Variants in EHMT1 observed in about 807,000 individuals in gnomAD.
The protein encoded by EHMT1 is euchromatic histone lysine methyltransferase 1.
A neutral mutation model predicts 147.2 loss-of-function variants in EHMT1; 15 were observed. The observed-to-expected ratio is 0.10, with a 90% CI of 0.07 to 0.16. EHMT1 has a LOEUF of 0.16. Ranked by LOEUF, EHMT1 falls within the 10% of genes least tolerant of loss-of-function variation. The probability of loss-of-function intolerance (pLI) is 1.00; values close to 1 mark genes in which losing one functional copy is unlikely to be tolerated. For missense variants in EHMT1, 1,587 were observed against 1,772.4 expected, an observed-to-expected ratio of 0.90 and a Z score of 1.88; for synonymous variants, 795 against 709.6, an observed-to-expected ratio of 1.12 and a Z score of -1.91.
chr9:137,688,685 C>T (rs767532777), intron 1 of EHMT1, among the ~76,000 whole-genome samples: 3 of 152,288 alleles, frequency 2.0e-5, no homozygotes, highest in South Asian at 4.1e-4. Context: ...ATTGTCCAAC[C>T]GCTATCCACT....
chr9:137,717,626 A>AAGAG (rs1554847272), intron 3 of EHMT1, among the ~76,000 whole-genome samples: 13,365 of 139,480 alleles, frequency 0.096, 1,419 homozygotes, highest in African/African-American at 0.24. Flanking sequence ...AAAAAAAAAA[A>AAGAG]GAGATGCTGC....
At chr9:137,826,582 A>C (rs1015546644) in intron 25 of EHMT1, among the ~76,000 whole-genome samples, 1 of 152,198 alleles carries the variant, frequency 6.6e-6, no homozygotes, top group Non-Finnish European at 1.5e-5. Flanking sequence ...CAAGGCACCT[A>C]CTGGTTTGGT....
intron 6 of EHMT1, among the ~76,000 whole-genome samples, chr9:137,748,992 A>G (rs1218520813): frequency 2.6e-5 from 4 of 152,130 alleles, no homozygotes; most frequent in African/African-American, 9.7e-5. Context: ...GGTGCTGGTG[A>G]AGGGAGAGCT....
chr9:137,738,373 G>T (rs1484811244), intron 4 of EHMT1, among the ~76,000 whole-genome samples: 1 of 152,136 alleles, frequency 6.6e-6, no homozygotes, highest in Admixed American at 6.5e-5. Context: ...CCGTACACCT[G>T]TTGAGGACAG....
chr9:137,625,367 G>T (rs576738203), intron 1 of EHMT1, among the ~76,000 whole-genome samples: 4 of 151,778 alleles, frequency 2.6e-5, no homozygotes, highest in East Asian at 1.9e-4. Flanking sequence ...GAGGTTTTTT[G>T]TTGTTGTTGT....
chr9:137,758,665 A>T (rs1157896837), intron 9 of EHMT1, among the ~76,000 whole-genome samples: 2 of 152,224 alleles, frequency 1.3e-5, no homozygotes, highest in African/African-American at 4.8e-5. Context: ...TCTTATTTAC[A>T]TTCCCCACAG....
At chr9:137,701,377 A>T (rs1277914697) in intron 1 of EHMT1, among the ~76,000 whole-genome samples, 1 of 149,726 alleles carries the variant, frequency 6.7e-6, no homozygotes, top group Non-Finnish European at 1.5e-5. Context: ...TCTGTCCCCC[A>T]GGCTCTAGTG....
rs546468286 is a variant in EHMT1 at position 137,716,641 on chromosome 9, C to G, written c.101C>G (p.Ala34Gly). Reference sequence around the variant, plus strand: ...TTGTTGGCAGAGACACCTATGGCTGCCGATGAAGGCTCAGCAGAGAAACAG... The same window carrying G: ...TTGTTGGCAGAGACACCTATGGCTGGCGATGAAGGCTCAGCAGAGAAACAG... ...ELLGEETPMA[A>G]DEGSAEKQAG... The change falls in exon 3 of 27, where the codon GCC (alanine) becomes GGC (glycine). Residue 34 changes from alanine to glycine, a missense_variant. Ala to Gly is a moderately conservative substitution (Grantham distance 60). This residue lies in a region of EHMT1 where 810 missense variants were observed against 673.0 expected (regional missense o/e 1.20). Transcript: ENST00000460843. The G allele has an allele frequency of 1.3e-6, 2 of 1,571,980 alleles. No homozygotes were observed. The highest frequency in any genetic ancestry group is 1.4e-5 in the African/African-American group (1 of 73,690).
At chr9:137,814,407 AC>A in intron 21 of EHMT1, 23 bp from the exon 22 acceptor site, 5 of 1,609,786 alleles carry the variant, frequency 3.1e-6, no homozygotes. Flanking sequence ...TGCACGTCTG[AC>A]CCCCCGGCGC....
chr9:137,722,218 C>A (rs562770659), intron 3 of EHMT1, among the ~76,000 whole-genome samples: 2 of 152,216 alleles, frequency 1.3e-5, no homozygotes, highest in African/African-American at 4.8e-5. Context: ...TCGTGAGGAT[C>A]TTTTATTGTC....
At chr9:137,638,928 AG>A (rs1473773166) in intron 1 of EHMT1, among the ~76,000 whole-genome samples, 1 of 152,212 alleles carries the variant, frequency 6.6e-6, no homozygotes, top group Non-Finnish European at 1.5e-5. Context: ...ACAGACCACA[AG>A]GCCTACTGAC....
intron 15 of EHMT1, chr9:137,784,566 TGTTA>T (rs1329108202): frequency 1.7e-5 from 7 of 423,664 alleles, no homozygotes; most frequent in Non-Finnish European, 2.2e-5. Flanking sequence ...CTCTTCTCTC[TGTTA>T]GTTACAAACT....
chr9:137,642,839 T>C (rs995749700), intron 1 of EHMT1, among the ~76,000 whole-genome samples: 1 of 152,228 alleles, frequency 6.6e-6, no homozygotes, highest in African/African-American at 2.4e-5. Flanking sequence ...GCTGCTTTTA[T>C]ACTTTACCTG....
chr9:137,790,165 G>A (rs1564767072), intron 15 of EHMT1, among the ~76,000 whole-genome samples: 2 of 152,148 alleles, frequency 1.3e-5, no homozygotes, highest in African/African-American at 2.4e-5. Flanking sequence ...TATTTTCAAC[G>A]TTTTTTCATA....
rs923232407 is a variant in EHMT1 at position 137,813,819 on chromosome 9, C to T, written c.3180+289C>T. On this transcript the variant is annotated intron_variant, in intron 21 of 26. Coordinates refer to ENST00000460843, the MANE Select transcript of EHMT1 (RefSeq NM_024757.5). The surrounding 1 kb of genome is among the most constrained non-coding windows in gnomAD (Gnocchi z 4.9). Reference sequence around the variant, plus strand: ...TTTTTTGTAACCTCACACTCAGGGGCCCCGGTGTGGCTTCGTGCTGGGGGC... The same window carrying T: ...TTTTTTGTAACCTCACACTCAGGGGTCCCGGTGTGGCTTCGTGCTGGGGGC... 1.3e-5 allele frequency among the ~76,000 whole-genome samples: 2 copies of T among 152,176 alleles called. No homozygotes were observed. The highest frequency in any genetic ancestry group is 2.1e-4 in the South Asian group (1 of 4,834).
intron 18 of EHMT1, among the ~76,000 whole-genome samples, chr9:137,801,361 G>A (rs145633107): frequency 6.2e-4 from 94 of 152,116 alleles, no homozygotes; most frequent in Non-Finnish European, 4.9e-4. Flanking sequence ...TCGCTCTGTC[G>A]CCCAGGCTAG....
chr9:137,631,503 G>A (rs1230472653), intron 1 of EHMT1, among the ~76,000 whole-genome samples: 2 of 152,200 alleles, frequency 1.3e-5, no homozygotes, highest in East Asian at 3.8e-4. Flanking sequence ...ATTTCATGAT[G>A]TTTATGAATA....
At chr9:137,734,204 C>T (rs1380980927) in intron 4 of EHMT1, among the ~76,000 whole-genome samples, 1 of 152,056 alleles carries the variant, frequency 6.6e-6, no homozygotes, top group Non-Finnish European at 1.5e-5. Context: ...AAGTAACTGT[C>T]TTAGATATGG....
intron 3 of EHMT1, among the ~76,000 whole-genome samples, chr9:137,726,654 G>T (rs1200194632): frequency 3.3e-5 from 5 of 152,166 alleles, no homozygotes; most frequent in Admixed American, 1.3e-4. Flanking sequence ...GGAACTGCTG[G>T]ATCACATGGT....
Sources: gnomAD v4.1 joint callset for allele counts (sites outside exome capture counted in the v4.1 genomes callset) on GRCh38, gnomAD v4.1.1 for gene constraint, gnomAD v4.1.1 regional missense constraint, Gnocchi (gnomAD v3.1) non-coding constraint, MANE v1.5 for transcripts, NCBI Gene and HGNC (gene_info 2026-07-23, HGNC 2026-07-21) for gene names.